CYP7B1: variants seen among roughly 807,000 people sequenced by gnomAD.
CYP7B1 encodes the protein cytochrome P450 family 7 subfamily B member 1.
In CYP7B1, 29 loss-of-function variants were observed where a neutral mutation model predicts 42.7. The observed-to-expected ratio is 0.68, with a 90% CI of 0.51 to 0.93. The LOEUF is 0.93. Ranked by LOEUF, CYP7B1 falls within the 40% of genes least tolerant of loss-of-function variation. CYP7B1 has a pLI of 0.00. For synonymous variants in CYP7B1, 235 were observed against 218.2 expected (o/e 1.08, Z -0.68); for missense variants, 655 against 600.5 (o/e 1.09, Z -0.95).
At chr8:64,623,125 A>T (rs972194705) in intron 2 of CYP7B1, among the ~76,000 whole-genome samples, 1 of 152,226 alleles carries the variant, frequency 6.6e-6, no homozygotes, top group African/African-American at 2.4e-5. Context: ...TTGTATACAA[A>T]GATAGCTATG....
At chr8:64,722,278 T>C (rs1352550277) in intron 1 of CYP7B1, among the ~76,000 whole-genome samples, 1 of 152,174 alleles carries the variant, frequency 6.6e-6, no homozygotes, top group African/African-American at 2.4e-5. Flanking sequence ...GCCTAAGCTG[T>C]CCAGTATGTG....
chr8:64,737,096 T>C (rs188462025), intron 1 of CYP7B1, among the ~76,000 whole-genome samples: 1 of 152,296 alleles, frequency 6.6e-6, no homozygotes, highest in African/African-American at 2.4e-5. Context: ...CAGTCCATTT[T>C]TAAAAATCTA....
At chr8:64,771,520 A>C (rs1208813394) in intron 1 of CYP7B1, among the ~76,000 whole-genome samples, 2 of 152,044 alleles carry the variant, frequency 1.3e-5, no homozygotes, top group Non-Finnish European at 2.9e-5. Flanking sequence ...AATAACAGAA[A>C]CTCAACCTAC....
intron 1 of CYP7B1, among the ~76,000 whole-genome samples, chr8:64,645,628 T>C: frequency 6.6e-6 from 1 of 152,122 alleles, no homozygotes; most frequent in Non-Finnish European, 1.5e-5. Context: ...CTGCCCAAGG[T>C]AATTTATAGA....
At chr8:64,762,759 T>G (rs893201388) in intron 1 of CYP7B1, among the ~76,000 whole-genome samples, 31 of 152,358 alleles carry the variant, frequency 2.0e-4, no homozygotes, top group African/African-American at 7.0e-4. Context: ...GGATTTATCT[T>G]AGGAACAAAA....
At chr8:64,650,635 A>C (rs1163430191) in intron 1 of CYP7B1, among the ~76,000 whole-genome samples, 3 of 152,200 alleles carry the variant, frequency 2.0e-5, no homozygotes, top group Admixed American at 6.5e-5. Flanking sequence ...GTGATAGAGC[A>C]AGACTCTGTC....
chr8:64,791,532 G>C (rs1244824444), intron 1 of CYP7B1, among the ~76,000 whole-genome samples: 1 of 152,156 alleles, frequency 6.6e-6, no homozygotes, highest in Non-Finnish European at 1.5e-5. Context: ...TTGAAAACGG[G>C]GGAAGGGCCC....
chr8:64,795,737 C>A (rs1804694110), intron 1 of CYP7B1, among the ~76,000 whole-genome samples: 1 of 152,202 alleles, frequency 6.6e-6, no homozygotes, highest in Admixed American at 6.5e-5. Context: ...TATCCTGATT[C>A]TAACCACCTT....
In CYP7B1 at chr8:64,735,635, TTA is replaced by T. The variant is rs766339075; in HGVS notation, c.122+62829_122+62830del. ...CATGTTAATAAGCCTCTATTTGTTT[TTA>T]TCTTATTAATCTGTCTTTTGTTACG... On this transcript the variant is annotated intron_variant, in intron 1 of 5. Coordinates refer to ENST00000310193, the MANE Select transcript of CYP7B1 (RefSeq NM_004820.5). Among the ~76,000 whole-genome samples the T allele has an allele frequency of 6.8e-4, 103 of 152,334 alleles. 3 individuals are homozygous for T. The highest frequency in any genetic ancestry group is 4.1e-3 in the Admixed American group (62 of 15,306).
chr8:64,663,096 C>A (rs2129631469), intron 1 of CYP7B1, among the ~76,000 whole-genome samples: 1 of 152,300 alleles, frequency 6.6e-6, no homozygotes, highest in East Asian at 1.9e-4. Flanking sequence ...AGGTTTAGTT[C>A]TAACAAGCCT....
intron 1 of CYP7B1, among the ~76,000 whole-genome samples, chr8:64,750,104 CTCTG>C (rs1287143373): frequency 6.6e-6 from 1 of 152,182 alleles, no homozygotes; most frequent in Admixed American, 6.5e-5. Context: ...AAGCTCTCCC[CTCTG>C]TCTAACTTTC....
intron 1 of CYP7B1, among the ~76,000 whole-genome samples, chr8:64,751,489 TTTA>T (rs750561429): frequency 1.3e-5 from 2 of 152,146 alleles, no homozygotes; most frequent in Non-Finnish European, 2.9e-5. Context: ...TGCTATTTAA[TTTA>T]TTTTTACTAC....
At chr8:64,663,756 A>C (rs1387455714) in intron 1 of CYP7B1, among the ~76,000 whole-genome samples, 2 of 41,614 alleles carry the variant, frequency 4.8e-5, no homozygotes, top group Non-Finnish European at 1.1e-4. Context: ...AGAGGCAGAG[A>C]TAGCTAGCTC....
chr8:64,688,185 A>G (rs552843317), intron 1 of CYP7B1, among the ~76,000 whole-genome samples: 1 of 152,230 alleles, frequency 6.6e-6, no homozygotes, highest in Admixed American at 6.5e-5. Context: ...AGGCTGGGTC[A>G]CTACATCTGT....
chr8:64,655,050 C>T (rs1214419169), intron 1 of CYP7B1, among the ~76,000 whole-genome samples: 2 of 152,108 alleles, frequency 1.3e-5, no homozygotes, highest in African/African-American at 4.8e-5. Context: ...AAATGTAAAA[C>T]CCAAAACTAT....
At chr8:64,773,033 T>C (rs748325075) in intron 1 of CYP7B1, among the ~76,000 whole-genome samples, 3 of 152,218 alleles carry the variant, frequency 2.0e-5, no homozygotes, top group Non-Finnish European at 4.4e-5. Flanking sequence ...CAGTGCCACT[T>C]CCAGAACTCC....
chr8:64,690,491 C>T (rs1198967916), intron 1 of CYP7B1, among the ~76,000 whole-genome samples: 2 of 152,170 alleles, frequency 1.3e-5, no homozygotes, highest in Non-Finnish European at 2.9e-5. Flanking sequence ...CTCTTATTTA[C>T]AGCCTTCTTT....
At chr8:64,675,393 T>G (rs1489997990) in intron 1 of CYP7B1, among the ~76,000 whole-genome samples, 1 of 151,406 alleles carries the variant, frequency 6.6e-6, no homozygotes, top group Non-Finnish European at 1.5e-5. Context: ...CAATGAAAAC[T>G]GCAAGATGTG....
intron 1 of CYP7B1, among the ~76,000 whole-genome samples, chr8:64,625,974 T>A (rs1471071151): frequency 1.3e-5 from 2 of 152,154 alleles, no homozygotes; most frequent in Non-Finnish European, 2.9e-5. Context: ...ACATAGTAAA[T>A]GGAGATGTGT....
Sources: allele counts gnomAD v4.1 joint callset (sites outside exome capture counted in the v4.1 genomes callset), GRCh38; gene constraint gnomAD v4.1.1; transcripts MANE v1.5; gene names NCBI Gene and HGNC (gene_info 2026-07-23, HGNC 2026-07-21).